The following MTUS2 variants were observed in gnomAD, a reference collection of about 807,000 sequenced individuals.
MTUS2 encodes the protein microtubule-associated tumor suppressor candidate 2.
A neutral mutation model predicts 114.1 loss-of-function variants in MTUS2; 40 were observed. That is an observed-to-expected ratio of 0.35 (90% CI 0.27 to 0.46). The LOEUF (loss-of-function observed/expected upper bound fraction) is 0.46. MTUS2 is among the 20% of genes least tolerant of loss of function. The pLI is 1.00. For missense variants in MTUS2, 1,679 were observed against 1,705.4 expected, an observed-to-expected ratio of 0.98 and a Z score of 0.27; for synonymous variants, 688 against 672.0, an observed-to-expected ratio of 1.02 and a Z score of -0.37.
chr13:28,933,234 A>C (rs1316593591), intron 2 of MTUS2, among the ~76,000 whole-genome samples: 4 of 151,898 alleles, frequency 2.6e-5, no homozygotes, highest in Non-Finnish European at 5.9e-5. Flanking sequence ...GGCAAGTCTG[A>C]GATTTGTAGG....
chr13:29,497,428 C>A, intron 13 of MTUS2, 92 bp downstream of exon 13: 5 of 1,107,038 alleles, frequency 4.5e-6, no homozygotes, highest in Non-Finnish European at 6.7e-6. Flanking sequence ...CAAGACAAGG[C>A]CTCTCTGTGA....
chr13:29,325,184 G>A lies in MTUS2; in HGVS notation c.2905+473G>A, dbSNP rs1042710827. Among the ~76,000 whole-genome samples, 2 of 152,166 alleles carry A rather than the reference G, an allele frequency of 1.3e-5. 1 individual carries two copies. The highest frequency in any genetic ancestry group is 2.9e-5 in the Non-Finnish European group (2 of 68,040). On this transcript the variant is annotated intron_variant, in intron 7 of 15. Transcript: ENST00000612955. ...ATTATGAATATTCCTGGCCAGGCGT[G>A]GTGGCTCACGCCTGTAATCCCAGCA...
intron 6 of MTUS2, among the ~76,000 whole-genome samples, chr13:29,291,297 C>A (rs1486164108): frequency 6.6e-6 from 1 of 152,224 alleles, no homozygotes; most frequent in African/African-American, 2.4e-5. Context: ...GCCCCAGCCA[C>A]TGGAGAGCCA....
chr13:29,065,916 C>G (rs1286093028), intron 4 of MTUS2, among the ~76,000 whole-genome samples: 2 of 152,000 alleles, frequency 1.3e-5, no homozygotes, highest in African/African-American at 2.4e-5. Flanking sequence ...ATTCAAACCC[C>G]CCCCCACCTG....
At chr13:29,481,979 G>C (rs2138907202) in intron 10 of MTUS2, 1 of 152,326 alleles carries the variant, frequency 6.6e-6, no homozygotes, top group South Asian at 2.1e-4. Context: ...ACGTGCTGCT[G>C]TCTACAGTCT....
At chr13:29,288,191 T>G (rs1310752561) in intron 6 of MTUS2, among the ~76,000 whole-genome samples, 1 of 152,160 alleles carries the variant, frequency 6.6e-6, no homozygotes. Flanking sequence ...AAGTTGGAGA[T>G]TTCCATGTGG....
At chr13:29,381,996 C>T (rs77009672) in intron 8 of MTUS2, among the ~76,000 whole-genome samples, 3,083 of 152,208 alleles carry the variant, frequency 0.02, 58 homozygotes, top group South Asian at 0.055. Context: ...CTGCTCAGAA[C>T]GGGGAATACA....
At chr13:29,337,191 GA>G (rs56293634) in intron 7 of MTUS2, among the ~76,000 whole-genome samples, 81,106 of 149,260 alleles carry the variant, frequency 0.54, 24,940 homozygotes, top group East Asian at 0.75. Flanking sequence ...ACTGGCATAT[GA>G]AAAAAAAAAA....
chr13:28,861,522 T>C (rs1876984614), intron 2 of MTUS2, among the ~76,000 whole-genome samples: 1 of 151,802 alleles, frequency 6.6e-6, no homozygotes, highest in Admixed American at 6.6e-5. Context: ...TTTGCATGTA[T>C]GTGAATAAAG....
intron 1 of MTUS2, among the ~76,000 whole-genome samples, chr13:28,822,252 T>C (rs573487913): frequency 6.6e-6 from 1 of 152,344 alleles, no homozygotes; most frequent in South Asian, 2.1e-4. Context: ...TGAAGGCTTA[T>C]GTAAGAGCTA....
chr13:29,500,337 A>T (rs1882803898), intron 14 of MTUS2, among the ~76,000 whole-genome samples: 1 of 152,224 alleles, frequency 6.6e-6, no homozygotes, highest in South Asian at 2.1e-4. Flanking sequence ...TTCTTTAAAG[A>T]TTAACTACAT....
At chr13:28,913,292 T>C (rs1401872358) in intron 2 of MTUS2, among the ~76,000 whole-genome samples, 2 of 152,214 alleles carry the variant, frequency 1.3e-5, no homozygotes, top group Non-Finnish European at 2.9e-5. Context: ...GTTCCTTCAA[T>C]ACCTAGTTTA....
chr13:29,081,191 A>G (rs974551867), intron 4 of MTUS2, among the ~76,000 whole-genome samples: 1 of 152,166 alleles, frequency 6.6e-6, no homozygotes, highest in Non-Finnish European at 1.5e-5. Context: ...GTACATAAAC[A>G]GGAACTTGCC....
At chr13:28,881,570 T>G (rs1221113347) in intron 2 of MTUS2, among the ~76,000 whole-genome samples, 1 of 152,200 alleles carries the variant, frequency 6.6e-6, no homozygotes, top group African/African-American at 2.4e-5. Context: ...TCCAAAGGGG[T>G]TGTACTAATT....
At chr13:29,063,419 A>G (rs1888512582) in intron 4 of MTUS2, among the ~76,000 whole-genome samples, 1 of 152,214 alleles carries the variant, frequency 6.6e-6, no homozygotes, top group Admixed American at 6.5e-5. Flanking sequence ...AAGTGTCAGA[A>G]TAGAAGTTTT....
intron 2 of MTUS2, among the ~76,000 whole-genome samples, chr13:28,894,330 GAGAGAGA>G: frequency 1.5e-4 from 10 of 65,916 alleles, no homozygotes; most frequent in African/African-American, 5.6e-4. Context: ...GGGAGGGAGG[GAGAGAGA>G]GAGAGAGAGA....
intron 9 of MTUS2, among the ~76,000 whole-genome samples, chr13:29,469,666 G>T (rs1880133231): frequency 6.7e-6 from 1 of 150,236 alleles, no homozygotes; most frequent in African/African-American, 2.5e-5. Flanking sequence ...AGAAGGCTGG[G>T]TGCAGTGGCT....
intron 2 of MTUS2, among the ~76,000 whole-genome samples, chr13:28,867,791 C>G (rs114603325): frequency 6.6e-6 from 1 of 152,192 alleles, no homozygotes; most frequent in Non-Finnish European, 1.5e-5. Flanking sequence ...TACTGTTTGC[C>G]AAGTGGCTGA....
At chr13:29,434,364 C>G (rs1877257494) in intron 8 of MTUS2, among the ~76,000 whole-genome samples, 1 of 152,130 alleles carries the variant, frequency 6.6e-6, no homozygotes, top group Non-Finnish European at 1.5e-5. Context: ...CTGCTGCTCT[C>G]AGTTTAAATC....
Sources: gnomAD v4.1 joint callset for allele counts (sites outside exome capture counted in the v4.1 genomes callset) on GRCh38, gnomAD v4.1.1 for gene constraint, MANE v1.5 for transcripts, NCBI Gene and HGNC (gene_info 2026-07-23, HGNC 2026-07-21) for gene names.